KHDRBS2: variants seen among roughly 807,000 people sequenced by gnomAD.
KHDRBS2 encodes KH domain-containing, RNA-binding, signal transduction-associated protein 2.
Under a neutral mutation model 44.3 loss-of-function variants are expected in KHDRBS2, and 26 were observed. The observed-to-expected ratio is 0.59, with a 90% CI of 0.43 to 0.81. The LOEUF (loss-of-function observed/expected upper bound fraction) is 0.81. KHDRBS2 is among the 40% of genes least tolerant of loss of function. The pLI, the probability that KHDRBS2 is intolerant of heterozygous loss-of-function variation, is 0.00. For missense variants in KHDRBS2, 476 were observed against 433.1 expected (o/e 1.10, Z -0.88); for synonymous variants, 194 against 151.1 (o/e 1.28, Z -2.08).
chr6:62,029,779 T>C (rs1784012162), intron 3 of KHDRBS2, among the ~76,000 whole-genome samples: 1 of 151,996 alleles, frequency 6.6e-6, no homozygotes, highest in African/African-American at 2.4e-5. Flanking sequence ...TTTCTGCAAG[T>C]GAAGCACTTA....
At chr6:61,548,852 A>G in the KHDRBS2 span, among the ~76,000 whole-genome samples, 1 of 152,176 alleles carries the variant, frequency 6.6e-6, no homozygotes, top group Non-Finnish European at 1.5e-5. Flanking sequence ...AGACCAGGGT[A>G]TGTTGGAGTT....
chr6:61,852,050 C>A (rs1304420022), intron 6 of KHDRBS2, among the ~76,000 whole-genome samples: 1 of 151,946 alleles, frequency 6.6e-6, no homozygotes, highest in East Asian at 1.9e-4. Context: ...GGTGAAACCG[C>A]ATCTCTACTA....
the KHDRBS2 span, among the ~76,000 whole-genome samples, chr6:61,571,337 AATG>A: frequency 7.9e-5 from 12 of 152,168 alleles, no homozygotes; most frequent in African/African-American, 2.9e-4. Context: ...GACATTATAT[AATG>A]ATAAAAGGTT....
chr6:61,718,230 C>T (rs1224080673), intron 7 of KHDRBS2, among the ~76,000 whole-genome samples: 1 of 151,976 alleles, frequency 6.6e-6, no homozygotes, highest in Non-Finnish European at 1.5e-5. Flanking sequence ...GGCTCTGACC[C>T]TTGAGGAGCT....
intron 2 of KHDRBS2, among the ~76,000 whole-genome samples, chr6:62,117,924 C>T (rs1315505062): frequency 2.6e-5 from 4 of 151,972 alleles, no homozygotes. Context: ...TACAGGTGCC[C>T]ACCACTACAC....
intron 2 of KHDRBS2, among the ~76,000 whole-genome samples, chr6:62,121,127 C>A (rs1187338836): frequency 3.3e-5 from 5 of 152,140 alleles, no homozygotes; most frequent in African/African-American, 1.2e-4. Context: ...GTGGTCATTT[C>A]CTCAGTGCCA....
At chr6:61,972,260 T>C (rs1414821574) in intron 4 of KHDRBS2, among the ~76,000 whole-genome samples, 1 of 152,228 alleles carries the variant, frequency 6.6e-6, no homozygotes, top group Non-Finnish European at 1.5e-5. Flanking sequence ...ATAATAATCA[T>C]GATTCTTACT....
intron 6 of KHDRBS2, among the ~76,000 whole-genome samples, chr6:61,844,640 C>T (rs1794099737): frequency 6.6e-6 from 1 of 152,066 alleles, no homozygotes; most frequent in African/African-American, 2.4e-5. Flanking sequence ...ACTCCAATGA[C>T]CAGAACAGTG....
chr6:61,590,626 C>T, the KHDRBS2 span, among the ~76,000 whole-genome samples: 4 of 152,062 alleles, frequency 2.6e-5, no homozygotes, highest in South Asian at 6.2e-4. Context: ...ATTTAATATC[C>T]TGTGGGTTTA....
At chr6:61,945,111 A>ATTTAT (rs1242129681) in intron 4 of KHDRBS2, among the ~76,000 whole-genome samples, 1 of 37,774 alleles carries the variant, frequency 2.6e-5, no homozygotes, top group African/African-American at 1.3e-4. Context: ...AAAAAAAAAA[A>ATTTAT]AGTATATATA....
chr6:61,751,017 A>G (rs1273809949), intron 6 of KHDRBS2, among the ~76,000 whole-genome samples: 1 of 152,156 alleles, frequency 6.6e-6, no homozygotes, highest in Non-Finnish European at 1.5e-5. Context: ...ATAATATAGT[A>G]AAAGAACTTT....
chr6:61,782,774 T>C (rs1249399377), intron 6 of KHDRBS2, among the ~76,000 whole-genome samples: 1 of 148,716 alleles, frequency 6.7e-6, no homozygotes, highest in Non-Finnish European at 1.5e-5. Context: ...TACATATATG[T>C]CTGTATGTGT....
At chr6:62,270,301 C>CT (rs1334489052) in intron 1 of KHDRBS2, among the ~76,000 whole-genome samples, 20 of 134,266 alleles carry the variant, frequency 1.5e-4, no homozygotes, top group African/African-American at 4.1e-4. Flanking sequence ...CTCTCTCTCT[C>CT]CTCTCTCTCT....
chr6:62,279,575 G>A (rs201772852), intron 1 of KHDRBS2, among the ~76,000 whole-genome samples: 2 of 152,278 alleles, frequency 1.3e-5, no homozygotes, highest in East Asian at 3.9e-4. Context: ...AGAATTGCAT[G>A]TTGCAATGTA....
intron 2 of KHDRBS2, among the ~76,000 whole-genome samples, chr6:62,095,970 G>A (rs960925053): frequency 1.1e-4 from 17 of 151,686 alleles, no homozygotes; most frequent in African/African-American, 4.1e-4. Context: ...TCATCTATTC[G>A]GATGATCATA....
chr6:61,829,978 C>A (rs1393164562), intron 6 of KHDRBS2, among the ~76,000 whole-genome samples: 1 of 152,128 alleles, frequency 6.6e-6, no homozygotes, highest in Admixed American at 6.5e-5. Context: ...AGAAAAATTT[C>A]AAGGGAATTA....
At chr6:61,700,004 A>T (rs1339408192) in intron 7 of KHDRBS2, among the ~76,000 whole-genome samples, 1 of 151,950 alleles carries the variant, frequency 6.6e-6, no homozygotes, top group Non-Finnish European at 1.5e-5. Flanking sequence ...ATGCAACCCA[A>T]CTCAGAGTCC....
intron 6 of KHDRBS2, among the ~76,000 whole-genome samples, chr6:61,778,254 C>G (rs1782406903): frequency 6.6e-6 from 1 of 152,090 alleles, no homozygotes; most frequent in South Asian, 2.1e-4. Flanking sequence ...ATGAACAGAG[C>G]CTCTGTCACT....
chr6:61,648,491 T>C, the KHDRBS2 span, among the ~76,000 whole-genome samples: 1 of 152,156 alleles, frequency 6.6e-6, no homozygotes, highest in Non-Finnish European at 1.5e-5. Flanking sequence ...AGATTGCCCA[T>C]TCATTCAGAA....
Sources: allele counts gnomAD v4.1 joint callset (sites outside exome capture counted in the v4.1 genomes callset), GRCh38; gene constraint gnomAD v4.1.1; transcripts MANE v1.5; gene names NCBI Gene and HGNC (gene_info 2026-07-23, HGNC 2026-07-21).